Variants in SDHA observed in about 807,000 individuals in gnomAD.
SDHA encodes succinate dehydrogenase complex flavoprotein subunit A.
In SDHA, 48 loss-of-function variants were observed where a neutral mutation model predicts 78.4. The observed-to-expected ratio is 0.61, with a 90% CI of 0.49 to 0.78. The LOEUF is 0.78. Ranked by LOEUF, SDHA falls within the 30% of genes least tolerant of loss-of-function variation. SDHA has a pLI of 0.00. For missense variants in SDHA, 680 were observed against 892.7 expected (o/e 0.76, Z 3.04); for synonymous variants, 326 against 353.9 (o/e 0.92, Z 0.88).
intron 6 of SDHA, 85 bp from the exon 7 acceptor site, chr5:230,791 C>T: frequency 6.4e-7 from 1 of 1,568,784 alleles, no homozygotes; most frequent in South Asian, 1.1e-5. Flanking sequence ...GTGCTGGGGG[C>T]TGCCGTGTCC....
At chr5:249,929 T>C (rs1261864230) in intron 11 of SDHA, 2 of 152,248 alleles carry the variant, frequency 1.3e-5, no homozygotes, top group East Asian at 1.9e-4. Flanking sequence ...AAGAGATTTG[T>C]ATCTAAAAAT....
the SDHA span, among the ~76,000 whole-genome samples, chr5:265,488 A>C: frequency 6.6e-6 from 1 of 152,182 alleles, no homozygotes; most frequent in African/African-American, 2.4e-5. Flanking sequence ...GGGAGTGGAC[A>C]CTTGAGGGAA....
intron 13 of SDHA, 128 bp downstream of exon 13, chr5:251,596 T>C (rs577319576): frequency 1.6e-4 from 246 of 1,542,344 alleles, no homozygotes; most frequent in Non-Finnish European, 1.9e-4. Context: ...AATGCCTTTT[T>C]CCCCCCTGGT....
chr5:248,060 C>T (rs1295945578), intron 11 of SDHA, among the ~76,000 whole-genome samples: 6 of 152,214 alleles, frequency 3.9e-5, no homozygotes, highest in Admixed American at 6.5e-5. Flanking sequence ...TCTACAGAAA[C>T]CAGCTGCAAA....
chr5:268,141 T>C, the SDHA span, among the ~76,000 whole-genome samples: 1 of 152,120 alleles, frequency 6.6e-6, no homozygotes, highest in Admixed American at 6.5e-5. Flanking sequence ...TCTAGACTCA[T>C]CCATTTGTAC....
intron 14 of SDHA, among the ~76,000 whole-genome samples, chr5:254,752 A>G (rs1369721849): frequency 6.6e-6 from 1 of 152,102 alleles, no homozygotes; most frequent in African/African-American, 2.4e-5. Flanking sequence ...TGTGCGCCAG[A>G]TGGACGTCAC....
At chr5:226,928 CAAAAAAAAAA>C (rs554077502) in intron 5 of SDHA, among the ~76,000 whole-genome samples, 2 of 82,512 alleles carry the variant, frequency 2.4e-5, no homozygotes, top group African/African-American at 3.9e-5. Context: ...GACTCCATCT[CAAAAAAAAAA>C]AAAAAAAAAG....
intron 5 of SDHA, chr5:227,765 G>C: frequency 3.7e-6 from 1 of 269,082 alleles, no homozygotes; most frequent in South Asian, 4.0e-5. Context: ...AGGTGTAGCT[G>C]AAGAGCTGAA....
chr5:239,119 T>TGCAGAACCTCAAGAGACCCACTGCCTGGG (rs1735970370), intron 10 of SDHA, among the ~76,000 whole-genome samples: 1 of 140,038 alleles, frequency 7.1e-6, no homozygotes, highest in Non-Finnish European at 1.5e-5. Context: ...CATAGCCTGG[T>TGCAGAACCTCAAGAGACCCACTGCCTGGG]CCTGTGGAGA....
chr5:239,578 T>C (rs1324934926), intron 10 of SDHA, among the ~76,000 whole-genome samples: 1 of 150,452 alleles, frequency 6.6e-6, no homozygotes, highest in Non-Finnish European at 1.5e-5. Flanking sequence ...AAAAAATTGC[T>C]AATCTTGAAG....
At chr5:239,880 A>T (rs768334749) in intron 10 of SDHA, among the ~76,000 whole-genome samples, 13 of 151,206 alleles carry the variant, frequency 8.6e-5, no homozygotes, top group Admixed American at 2.0e-4. Context: ...AGCAGTTCTC[A>T]TGCCTCAGCC....
intron 11 of SDHA, among the ~76,000 whole-genome samples, chr5:248,300 T>C (rs374978023): frequency 2.7e-4 from 41 of 152,094 alleles, no homozygotes; most frequent in African/African-American, 6.0e-4. Context: ...CCAACTGTCA[T>C]GAGCAACACC....
downstream of SDHA, among the ~76,000 whole-genome samples, chr5:259,975 G>A (rs1397825327): frequency 1.6e-4 from 9 of 54,586 alleles, no homozygotes; most frequent in African/African-American, 7.5e-4. Flanking sequence ...TGTGAGCTCC[G>A]CCTCCCGCCA....
rs1734876933 is a variant in SDHA at position 224,237 on chromosome 5, ATGGAGGCCC to A, written c.151-120_151-112del. On this transcript the variant is annotated intron_variant, in intron 2 of 14. Coordinates refer to ENST00000264932, the MANE Select transcript of SDHA (RefSeq NM_004168.4). ...GTTCAGGGCTCAGCCCCAGGACAGG[ATGGAGGCCC>A]TGTGTGCCCAGCAGTTGCTCCTTTT... The A allele has an allele frequency of 3.9e-6, 4 of 1,028,732 alleles. No homozygotes were observed. In the East Asian group the frequency reaches 9.5e-5, roughly 24 times the overall value. 63.7% of individuals were successfully genotyped at this position (1,028,732 alleles called of 1,614,324 possible).
In SDHA at chr5:218,329, C is replaced by A. The variant is rs1734490584; in HGVS notation, c.-27C>A. 1.4e-6 allele frequency: 2 copies of A among 1,442,084 alleles called. No individual in the cohort carries two copies. The highest frequency in any genetic ancestry group is 2.5e-4 in the Middle Eastern group (1 of 3,946). 89.3% of individuals were successfully genotyped at this position (1,442,084 alleles called of 1,614,324 possible). On this transcript the variant is annotated 5_prime_UTR_variant, in exon 1 of 15. Transcript: ENST00000264932. Reference sequence around the variant, plus strand: ...CAGGCGCAGTCTGCGCAGGGACTGGCGGGACTGCGCGGCGGCAACAGCAGA... The same window carrying A: ...CAGGCGCAGTCTGCGCAGGGACTGGAGGGACTGCGCGGCGGCAACAGCAGA...
chr5:244,163 T>C (rs1360146868), intron 11 of SDHA, among the ~76,000 whole-genome samples: 3 of 151,924 alleles, frequency 2.0e-5, no homozygotes, highest in African/African-American at 7.3e-5. Flanking sequence ...CTCACCCCTG[T>C]ACAATGTCTG....
the SDHA span, among the ~76,000 whole-genome samples, chr5:264,759 C>A: frequency 6.6e-6 from 1 of 152,174 alleles, no homozygotes; most frequent in South Asian, 2.1e-4. Flanking sequence ...TTCAAGTATG[C>A]AGATTTAGTG....
intron 10 of SDHA, among the ~76,000 whole-genome samples, chr5:236,892 T>C (rs1405082623): frequency 2.0e-5 from 3 of 149,972 alleles, no homozygotes; most frequent in Non-Finnish European, 4.4e-5. Flanking sequence ...ACTCAAACAG[T>C]CCTGCCTCAG....
rs112447938 is a variant in SDHA at position 252,479 on chromosome 5, A to G, written c.1794+1011A>G. Among the ~76,000 whole-genome samples, 469 of 74,576 alleles carry G rather than the reference A, an allele frequency of 6.3e-3. 3 individuals are homozygous for G. Among genetic ancestry groups the G allele is most frequent in the Middle Eastern group, 0.015 (1 of 68 alleles). 48.9% of individuals were successfully genotyped at this position (74,576 alleles called of 152,430 possible). On this transcript the variant is annotated intron_variant, in intron 13 of 14. Transcript: ENST00000264932. ...TTTATTAAATAACGAGTAAGCCACC[A>G]TTTCAAACCTGCCCTGTGGAGGAAA...
Sources: gnomAD v4.1 joint callset for allele counts (sites outside exome capture counted in the v4.1 genomes callset) on GRCh38, gnomAD v4.1.1 for gene constraint, MANE v1.5 for transcripts, NCBI Gene and HGNC (gene_info 2026-07-23, HGNC 2026-07-21) for gene names.